ATF6: variants seen among roughly 807,000 people sequenced by gnomAD.
ATF6 encodes the protein cyclic AMP-dependent transcription factor ATF-6 alpha.
A neutral mutation model predicts 83.6 loss-of-function variants in ATF6; 53 were observed. That is an observed-to-expected ratio of 0.63 (90% CI 0.51 to 0.80). ATF6 has a LOEUF of 0.80. Among genes scored for constraint, ATF6 ranks in the 30% least tolerant of loss-of-function variants. ATF6 has a pLI of 0.00. For missense variants in ATF6, 744 were observed against 797.9 expected, an observed-to-expected ratio of 0.93 and a Z score of 0.81; for synonymous variants, 288 against 285.8, an observed-to-expected ratio of 1.01 and a Z score of -0.08.
chr1:161,816,711 A>G (rs1685622162), intron 7 of ATF6, among the ~76,000 whole-genome samples: 1 of 152,188 alleles, frequency 6.6e-6, no homozygotes, highest in Non-Finnish European at 1.5e-5. Flanking sequence ...GTCAAAGGTC[A>G]TTTTGATACA....
chr1:161,935,728 A>G (rs1413525682), intron 15 of ATF6, among the ~76,000 whole-genome samples: 1 of 152,238 alleles, frequency 6.6e-6, no homozygotes, highest in Admixed American at 6.5e-5. Context: ...ATTTTCTCAT[A>G]TGAGACTGTA....
Position 161,961,665 on chromosome 1 carries a change from C to A in ATF6, c.*3011C>A, listed in dbSNP as rs1197218094. Reference sequence around the variant, plus strand: ...ATTTTTTTATTTATTAAATTTTAAACAGGATTGTGCAAGCTTATGAGACAA... The same window carrying A: ...ATTTTTTTATTTATTAAATTTTAAAAAGGATTGTGCAAGCTTATGAGACAA... On this transcript the variant is annotated 3_prime_UTR_variant, in exon 16 of 16. Coordinates refer to ENST00000367942, the MANE Select transcript of ATF6 (RefSeq NM_007348.4). 6.7e-6 allele frequency: 1 copy of A among 148,414 alleles called. No homozygotes were observed. Among genetic ancestry groups the A allele is most frequent in the Non-Finnish European group, 1.5e-5 (1 of 67,426 alleles). 9.2% of individuals were successfully genotyped at this position (148,414 alleles called of 1,614,324 possible).
chr1:161,805,560 AC>A (rs77472058), intron 7 of ATF6, among the ~76,000 whole-genome samples: 13,164 of 152,142 alleles, frequency 0.087, 1,194 homozygotes, highest in East Asian at 0.31. Flanking sequence ...CAGCAGGCCA[AC>A]CCACTCAGGA....
intron 15 of ATF6, among the ~76,000 whole-genome samples, chr1:161,922,863 G>A (rs1174246711): frequency 6.6e-6 from 1 of 152,072 alleles, no homozygotes; most frequent in Non-Finnish European, 1.5e-5. Flanking sequence ...GGAATTGTAG[G>A]CCACGGTGAA....
chr1:161,869,034 A>C (rs1558003797), intron 14 of ATF6, among the ~76,000 whole-genome samples: 1 of 152,212 alleles, frequency 6.6e-6, no homozygotes, highest in South Asian at 2.1e-4. Context: ...TAGGAGCCAG[A>C]AACTTGAAAC....
intron 1 of ATF6, 35 bp from the exon 2 acceptor site, chr1:161,778,209 G>A: frequency 6.4e-7 from 1 of 1,559,432 alleles, no homozygotes; most frequent in Non-Finnish European, 8.8e-7. Context: ...TAATTGAATT[G>A]ACAGTTCATT....
chr1:161,853,814 G>C (rs937491590), intron 12 of ATF6, among the ~76,000 whole-genome samples: 2 of 152,126 alleles, frequency 1.3e-5, no homozygotes, highest in African/African-American at 4.8e-5. Flanking sequence ...TCTCAATGTT[G>C]TTTGCCACAA....
At chr1:161,841,590 A>G (rs1425572280) in intron 9 of ATF6, among the ~76,000 whole-genome samples, 2 of 152,166 alleles carry the variant, frequency 1.3e-5, no homozygotes, top group African/African-American at 4.8e-5. Context: ...AGACCCACAG[A>G]CTATTTGGAT....
intron 12 of ATF6, among the ~76,000 whole-genome samples, chr1:161,854,829 G>T (rs12036441): frequency 6.6e-6 from 1 of 151,748 alleles, no homozygotes; most frequent in Non-Finnish European, 1.5e-5. Context: ...CCGAGATCAC[G>T]CAGTCCAGCC....
At chr1:161,893,630 A>G (rs1441381248) in intron 14 of ATF6, among the ~76,000 whole-genome samples, 1 of 152,154 alleles carries the variant, frequency 6.6e-6, no homozygotes, top group African/African-American at 2.4e-5. Context: ...TTCCCCTTCA[A>G]GTAAAAAGAG....
At chr1:161,947,364 G>A (rs943713017) in intron 15 of ATF6, among the ~76,000 whole-genome samples, 3 of 152,248 alleles carry the variant, frequency 2.0e-5, no homozygotes, top group African/African-American at 7.2e-5. Flanking sequence ...GTGATTAGAT[G>A]TCGAGGGTAA....
chr1:161,803,456 CTGTTA>C (rs1335482672), intron 7 of ATF6, among the ~76,000 whole-genome samples: 1 of 152,164 alleles, frequency 6.6e-6, no homozygotes, highest in African/African-American at 2.4e-5. Context: ...TTAGGCTTGA[CTGTTA>C]TGTTGGTTTG....
intron 15 of ATF6, among the ~76,000 whole-genome samples, chr1:161,940,805 G>A (rs554032870): frequency 1.3e-5 from 2 of 151,892 alleles, no homozygotes; most frequent in Admixed American, 6.6e-5. Context: ...CTTGTGATCC[G>A]CCCACCTCGG....
intron 6 of ATF6, among the ~76,000 whole-genome samples, chr1:161,794,844 A>C (rs1165255376): frequency 6.6e-6 from 1 of 152,206 alleles, no homozygotes; most frequent in Non-Finnish European, 1.5e-5. Context: ...TGGAATATCA[A>C]TGAAAGTGGA....
chr1:161,766,473 G>T (rs1473604550), intron 1 of ATF6, 31 bp downstream of exon 1: 1 of 1,604,208 alleles, frequency 6.2e-7, no homozygotes, highest in Non-Finnish European at 8.5e-7. Context: ...TACCAGGGTG[G>T]CTCGGGTTCG....
chr1:161,867,525 A>G (rs1011519222), intron 14 of ATF6, among the ~76,000 whole-genome samples: 8 of 152,192 alleles, frequency 5.3e-5, no homozygotes, highest in Non-Finnish European at 1.0e-4. Flanking sequence ...CCATCCTTAC[A>G]TGTAGCTGTC....
At chr1:161,875,001 C>T (rs1687183024) in intron 14 of ATF6, among the ~76,000 whole-genome samples, 1 of 151,636 alleles carries the variant, frequency 6.6e-6, no homozygotes, top group Admixed American at 6.6e-5. Flanking sequence ...ATCAGTGGTT[C>T]TCAAACTTTT....
At position 161,847,115 on chromosome 1, in the gene ATF6, A is replaced by G. The variant is rs577476867; in HGVS notation, c.1319+535A>G. 3.3e-4 allele frequency among the ~76,000 whole-genome samples: 51 copies of G among 152,272 alleles called. No homozygotes were observed. In the Middle Eastern group the frequency reaches 0.027, roughly 81 times the overall value. On this transcript the variant is annotated intron_variant, in intron 10 of 15. Transcript: ENST00000367942. ...AAAGGCTTTAATTGTATAAAAATGC[A>G]ATTTCTATATTATGTTAACTAGAAG... is the stretch of plus-strand genomic sequence containing the variant.
intron 15 of ATF6, among the ~76,000 whole-genome samples, chr1:161,955,507 A>G (rs187468411): frequency 1.4e-4 from 22 of 152,334 alleles, no homozygotes; most frequent in Non-Finnish European, 1.9e-4. Flanking sequence ...AAAGATCATG[A>G]GTTACCACGA....
Sources: gnomAD v4.1 joint callset for allele counts (sites outside exome capture counted in the v4.1 genomes callset) on GRCh38, gnomAD v4.1.1 for gene constraint, MANE v1.5 for transcripts, NCBI Gene and HGNC (gene_info 2026-07-23, HGNC 2026-07-21) for gene names.